Variants in CSMD3 observed in about 807,000 individuals in gnomAD.
The protein encoded by CSMD3 is CUB and sushi domain-containing protein 3.
CSMD3 carries 177 observed loss-of-function variants against 435.2 expected under a neutral mutation model. That is an observed-to-expected ratio of 0.41 (90% CI 0.36 to 0.46). The LOEUF (loss-of-function observed/expected upper bound fraction) is 0.46, where lower values mean the gene tolerates loss of function less well. Ranked by LOEUF, CSMD3 falls within the 20% of genes least tolerant of loss-of-function variation. The probability of loss-of-function intolerance (pLI) is 0.34; values close to 1 mark genes in which losing one functional copy is unlikely to be tolerated. For synonymous variants in CSMD3, 1,656 were observed against 1,520.5 expected, an observed-to-expected ratio of 1.09 and a Z score of -2.07; for missense variants, 4,265 against 4,504.6, an observed-to-expected ratio of 0.95 and a Z score of 1.52.
chr8:112,876,126 C>G (rs2081275266), intron 10 of CSMD3, among the ~76,000 whole-genome samples: 1 of 151,916 alleles, frequency 6.6e-6, no homozygotes. Flanking sequence ...TAAAATAAAC[C>G]AAGAAGAAGT....
At chr8:112,372,513 A>T (rs112883691) in intron 38 of CSMD3, among the ~76,000 whole-genome samples, 4 of 152,270 alleles carry the variant, frequency 2.6e-5, no homozygotes, top group African/African-American at 9.6e-5. Context: ...TTAAAATGCC[A>T]TTATCTCAGG....
intron 13 of CSMD3, among the ~76,000 whole-genome samples, chr8:112,789,046 A>C (rs1426353065): frequency 6.6e-6 from 1 of 152,104 alleles, no homozygotes; most frequent in Non-Finnish European, 1.5e-5. Flanking sequence ...CCTAGGCAAA[A>C]GAAATTGTGT....
chr8:112,680,816 T>C (rs1480095781), intron 16 of CSMD3, among the ~76,000 whole-genome samples: 1 of 152,194 alleles, frequency 6.6e-6, no homozygotes, highest in East Asian at 1.9e-4. Flanking sequence ...ATATAGGTAA[T>C]GCTTCAATTA....
At position 112,545,495 on chromosome 8, in the gene CSMD3, A is replaced by T. The variant is rs1478946812; in HGVS notation, c.4564+5176T>A. Among the ~76,000 whole-genome samples the T allele has an allele frequency of 5.7e-3, 811 of 141,918 alleles. 6 individuals are homozygous for T. The highest frequency in any genetic ancestry group is 0.02 in the African/African-American group (760 of 37,164). The allele number at this position is 141,918 out of a possible 152,430, so 93.1% of individuals were successfully genotyped here. A position where few individuals can be genotyped will look rare whatever the true frequency, so the allele number is the denominator to read the frequency against. On this transcript the variant is annotated intron_variant, in intron 27 of 70. Transcript: ENST00000297405. ...GAGACTCCATCTCAAAAAAAAAAAA[A>T]AAAAAAAATAATAATAATAATAATA...
chr8:113,270,655 A>C (rs1268697949), intron 3 of CSMD3, among the ~76,000 whole-genome samples: 1 of 152,106 alleles, frequency 6.6e-6, no homozygotes, highest in Non-Finnish European at 1.5e-5. Flanking sequence ...ATAAAAAAGG[A>C]TGAGTTCATG....
chr8:112,975,823 AT>A lies in CSMD3; in HGVS notation c.1342+13del, dbSNP rs1261798974. ...CTGTAACTAAATGGGCACAAGTAAA[AT>A]AACATCCAATACCTCTATGAGTAAC... On this transcript the variant is annotated intron_variant, in intron 7 of 70. Coordinates refer to ENST00000297405, the MANE Select transcript of CSMD3 (RefSeq NM_198123.2). 1.2e-6 allele frequency: 2 copies of A among 1,612,452 alleles called. No homozygotes were observed. Among genetic ancestry groups the A allele is most frequent in the Non-Finnish European group, 1.7e-6 (2 of 1,179,692 alleles).
intron 36 of CSMD3, among the ~76,000 whole-genome samples, chr8:112,384,198 A>T (rs1829733623): frequency 1.3e-5 from 2 of 152,164 alleles, no homozygotes; most frequent in African/African-American, 4.8e-5. Flanking sequence ...TTATTTAAAA[A>T]TTTTTAACAC....
chr8:112,478,809 T>C (rs1038477341), intron 31 of CSMD3, among the ~76,000 whole-genome samples: 1 of 152,212 alleles, frequency 6.6e-6, no homozygotes, highest in African/African-American at 2.4e-5. Context: ...CCTGTTCGCC[T>C]GCCCTTTCCT....
Position 113,280,784 on chromosome 8 carries a change from G to A in CSMD3, c.402-2080C>T, listed in dbSNP as rs1239837585. Among the ~76,000 whole-genome samples the A allele has an allele frequency of 4.6e-5, 7 of 151,808 alleles. No homozygotes were observed. In the South Asian group the frequency reaches 8.3e-4, roughly 18 times the overall value. On this transcript the variant is annotated intron_variant, in intron 2 of 70. Transcript: ENST00000297405. ...GTGCTATTTCAGTCTTTTTGATGTAGGCACTTATGGCTATGAACTTTCCTC... is the reference window on the plus strand; with the variant it reads ...GTGCTATTTCAGTCTTTTTGATGTAAGCACTTATGGCTATGAACTTTCCTC...
chr8:112,617,376 C>T (rs1833740700), intron 22 of CSMD3, among the ~76,000 whole-genome samples: 1 of 152,096 alleles, frequency 6.6e-6, no homozygotes, highest in East Asian at 1.9e-4. Context: ...TAAAATGGAC[C>T]AGATAAGTGC....
At chr8:112,277,458 T>C in intron 59 of CSMD3, among the ~76,000 whole-genome samples, 1 of 152,216 alleles carries the variant, frequency 6.6e-6, no homozygotes, top group East Asian at 1.9e-4. Flanking sequence ...ATCAGCATTT[T>C]GCTCAAAGCC....
At chr8:113,194,873 G>A (rs2092632798) in intron 3 of CSMD3, among the ~76,000 whole-genome samples, 1 of 151,116 alleles carries the variant, frequency 6.6e-6, no homozygotes, top group Non-Finnish European at 1.5e-5. Context: ...GTTTAACTGA[G>A]CCAAGAAAGA....
In CSMD3 at chr8:113,015,377, C is replaced by T. The variant is rs571939514; in HGVS notation, c.1030+3690G>A. ...TGTTGCTATTAATATATCTTTATTTCATGAAAAATAAATTTCTGTAAAATA... is the reference window on the plus strand; with the variant it reads ...TGTTGCTATTAATATATCTTTATTTTATGAAAAATAAATTTCTGTAAAATA... On this transcript the variant is annotated intron_variant, in intron 6 of 70. Coordinates refer to ENST00000297405, the MANE Select transcript of CSMD3 (RefSeq NM_198123.2). Among the ~76,000 whole-genome samples, 13 of 151,856 alleles carry T rather than the reference C, an allele frequency of 8.6e-5. No homozygotes were observed. In the South Asian group the frequency reaches 2.5e-3, roughly 29 times the overall value.
At chr8:113,108,773 A>G (rs531941889) in intron 4 of CSMD3, among the ~76,000 whole-genome samples, 11 of 152,328 alleles carry the variant, frequency 7.2e-5, no homozygotes, top group Non-Finnish European at 1.6e-4. Context: ...AAGACATGAA[A>G]AAGCTGGGTA....
intron 3 of CSMD3, among the ~76,000 whole-genome samples, chr8:113,225,247 T>C (rs2093013749): frequency 6.6e-6 from 1 of 151,514 alleles, no homozygotes; most frequent in Non-Finnish European, 1.5e-5. Context: ...TTTTGGTGCA[T>C]TAATGGCAAA....
At chr8:112,405,213 C>CATATGTATATATATATA (rs1439544983) in intron 35 of CSMD3, among the ~76,000 whole-genome samples, 4 of 17,894 alleles carry the variant, frequency 2.2e-4, no homozygotes, top group Non-Finnish European at 3.7e-4. Flanking sequence ...AAAAAAACCC[C>CATATGTATATATATATA]CATATATATA....
At chr8:113,025,054 T>C (rs1288599750) in intron 5 of CSMD3, among the ~76,000 whole-genome samples, 2 of 152,182 alleles carry the variant, frequency 1.3e-5, no homozygotes, top group African/African-American at 2.4e-5. Flanking sequence ...GAAAAATATA[T>C]TATTTCTTTT....
chr8:113,295,548 G>C (rs2093714635), intron 2 of CSMD3, among the ~76,000 whole-genome samples: 1 of 152,154 alleles, frequency 6.6e-6, no homozygotes, highest in South Asian at 2.1e-4. Flanking sequence ...TAAAAATTTA[G>C]CAATAGGCCG....
chr8:112,380,341 A>G lies in CSMD3; in HGVS notation c.6136+11T>C, dbSNP rs746090294. The G allele has an allele frequency of 7.1e-7, 1 of 1,413,842 alleles. No individual in the cohort carries two copies. The highest frequency in any genetic ancestry group is 1.2e-5 in the South Asian group (1 of 86,688). 87.6% of individuals were successfully genotyped at this position (1,413,842 alleles called of 1,614,324 possible). A position where few individuals can be genotyped will look rare whatever the true frequency, so the allele number is the denominator to read the frequency against. ...TTAACCTTTTTGAATGGCACATGAT[A>G]TTATTTTTACCTGTGTATTCAAGAT... On this transcript the variant is annotated intron_variant, in intron 38 of 70. Transcript: ENST00000297405.
Sources: gnomAD v4.1 joint callset for allele counts (sites outside exome capture counted in the v4.1 genomes callset) on GRCh38, gnomAD v4.1.1 for gene constraint, MANE v1.5 for transcripts, NCBI Gene and HGNC (gene_info 2026-07-23, HGNC 2026-07-21) for gene names.